Variants in FAM193A observed in about 807,000 individuals in gnomAD.
FAM193A encodes the protein protein FAM193A.
A neutral mutation model predicts 126.5 loss-of-function variants in FAM193A; 22 were observed. The observed-to-expected ratio is 0.17, with a 90% CI of 0.12 to 0.25. The LOEUF (loss-of-function observed/expected upper bound fraction) is 0.25, where lower values mean the gene tolerates loss of function less well. Among genes scored for constraint, FAM193A ranks in the 10% least tolerant of loss-of-function variants. The pLI is 1.00. For synonymous variants in FAM193A, 761 were observed against 646.8 expected (o/e 1.18, Z -2.68); for missense variants, 1,675 against 1,672.8 (o/e 1.00, Z -0.02).
At chr4:2,722,067 T>C (rs1720226879) in intron 20 of FAM193A, among the ~76,000 whole-genome samples, 1 of 152,156 alleles carries the variant, frequency 6.6e-6, no homozygotes, top group African/African-American at 2.4e-5. Context: ...CCAAGAACTA[T>C]GGTGAACTAA....
At chr4:2,656,922 T>G (rs1254449980) in intron 7 of FAM193A, among the ~76,000 whole-genome samples, 1 of 152,160 alleles carries the variant, frequency 6.6e-6, no homozygotes, top group Non-Finnish European at 1.5e-5. Context: ...ATCCCAGCAC[T>G]TTGGGAGGCC....
chr4:2,629,579 A>C (rs181023652), intron 4 of FAM193A, among the ~76,000 whole-genome samples: 96 of 152,356 alleles, frequency 6.3e-4, no homozygotes, highest in Non-Finnish European at 5.4e-4. Context: ...AGAACAGGTG[A>C]CAACTTTCTT....
intron 4 of FAM193A, among the ~76,000 whole-genome samples, chr4:2,629,608 G>T (rs1743344614): frequency 6.6e-6 from 1 of 152,124 alleles, no homozygotes; most frequent in South Asian, 2.1e-4. Flanking sequence ...ACATAATATG[G>T]TATGTAGGTG....
chr4:2,690,961 C>CTTCAGT lies in FAM193A; in HGVS notation c.2794_2795insTTCAGT (p.Pro932delinsLeuGlnSer). ...GTTCAGAGTGTCATCCAAGAGACCT[C>CTTCAGT]CTTCAGTAGGTAAGGCTTGAAGGCT... On this transcript the variant is annotated protein_altering_variant, in exon 15 of 21. Transcript: ENST00000637812. The CTTCAGT allele has an allele frequency of 6.2e-7, 1 of 1,612,294 alleles. No homozygotes were observed. Among genetic ancestry groups the CTTCAGT allele is most frequent in the Non-Finnish European group, 8.5e-7 (1 of 1,178,628 alleles).
At chr4:2,627,107 C>T (rs1357897143) in intron 4 of FAM193A, among the ~76,000 whole-genome samples, 1 of 151,492 alleles carries the variant, frequency 6.6e-6, no homozygotes, top group Non-Finnish European at 1.5e-5. Context: ...TCAGTAACCA[C>T]ACAGAATTTG....
At chr4:2,653,363 A>G (rs1447754848) in intron 7 of FAM193A, among the ~76,000 whole-genome samples, 3 of 152,208 alleles carry the variant, frequency 2.0e-5, no homozygotes, top group Non-Finnish European at 4.4e-5. Context: ...AGTAAAGTGT[A>G]TTTCTTTAAA....
At chr4:2,659,702 G>A in intron 9 of FAM193A, 32 bp downstream of exon 9, 1 of 1,610,956 alleles carries the variant, frequency 6.2e-7, no homozygotes, top group South Asian at 1.1e-5. Context: ...AGCACGACTG[G>A]CCCATTGGAC....
intron 1 of FAM193A, among the ~76,000 whole-genome samples, chr4:2,558,242 G>A (rs991704811): frequency 2.0e-5 from 3 of 150,216 alleles, no homozygotes; most frequent in African/African-American, 7.4e-5. Context: ...GTATTTCATC[G>A]TGTTTGACAG....
intron 2 of FAM193A, among the ~76,000 whole-genome samples, chr4:2,623,240 G>A (rs1465712885): frequency 6.6e-6 from 1 of 151,812 alleles, no homozygotes; most frequent in African/African-American, 2.4e-5. Flanking sequence ...GCGCGATCTC[G>A]GCTCACTGCA....
At chr4:2,619,168 G>C (rs1350757037) in intron 2 of FAM193A, among the ~76,000 whole-genome samples, 1 of 151,708 alleles carries the variant, frequency 6.6e-6, no homozygotes, top group Non-Finnish European at 1.5e-5. Context: ...TTTATTTATT[G>C]ACATCTTCAG....
intron 1 of FAM193A, among the ~76,000 whole-genome samples, chr4:2,553,376 C>CTTTTTTT (rs1414434801): frequency 1.6e-5 from 2 of 124,122 alleles, no homozygotes; most frequent in South Asian, 2.6e-4. Flanking sequence ...AATTTCCCTT[C>CTTTTTTT]TTTTTGTTTT....
At chr4:2,648,959 C>G (rs1181202399) in intron 7 of FAM193A, among the ~76,000 whole-genome samples, 1 of 152,222 alleles carries the variant, frequency 6.6e-6, no homozygotes, top group East Asian at 1.9e-4. Flanking sequence ...ACCAGAATGT[C>G]CCGGATCTGC....
chr4:2,558,422 C>A (rs1181984625), intron 1 of FAM193A, among the ~76,000 whole-genome samples: 1 of 152,208 alleles, frequency 6.6e-6, no homozygotes, highest in Non-Finnish European at 1.5e-5. Flanking sequence ...GTCCCTATTG[C>A]CCAGGCTGGA....
rs749939826 is a variant in FAM193A at position 2,700,306 on chromosome 4, C to T, written c.4134C>T (p.Val1378=). The change falls in exon 19 of 21, where the codon GTC becomes GTT. Residue 1378 remains valine (V), a synonymous_variant. Coordinates refer to ENST00000637812, the MANE Select transcript of FAM193A (RefSeq NM_001366318.2). ...AGACTGAGTCAAAGGCTAAGGTGGT[C>T]GACCTCATGTCCATCACAGAGCAGA... ...RAQTESKAKV[V]DLMSITEQKR... 2.7e-5 allele frequency: 44 copies of T among 1,613,936 alleles called. No homozygotes were observed. In the Admixed American group the frequency reaches 3.5e-4, roughly 13 times the overall value.
chr4:2,591,448 G>GA (rs1293065621), intron 1 of FAM193A, among the ~76,000 whole-genome samples: 1 of 152,144 alleles, frequency 6.6e-6, no homozygotes, highest in Non-Finnish European at 1.5e-5. Flanking sequence ...TTTGACAGGA[G>GA]ATGGAGGGCA....
At chr4:2,625,462 C>T in intron 3 of FAM193A, 67 bp downstream of exon 3, 2 of 628,624 alleles carry the variant, frequency 3.2e-6, no homozygotes, top group Non-Finnish European at 5.9e-6. Flanking sequence ...CATATTGGAG[C>T]TGGACGGAGA....
chr4:2,663,468 A>G (rs1050231287), intron 12 of FAM193A, among the ~76,000 whole-genome samples, 180 bp downstream of exon 12: 2 of 152,172 alleles, frequency 1.3e-5, no homozygotes, highest in Non-Finnish European at 2.9e-5. Flanking sequence ...CTCGAATATC[A>G]ATCTTGATTT....
At chr4:2,728,668 G>A (rs763582621) in intron 20 of FAM193A, among the ~76,000 whole-genome samples, 7 of 152,096 alleles carry the variant, frequency 4.6e-5, no homozygotes, top group Non-Finnish European at 1.0e-4. Context: ...ATGTCTGTGT[G>A]TGTTGGCTTT....
chr4:2,707,304 T>C (rs1718418822), intron 19 of FAM193A, among the ~76,000 whole-genome samples: 1 of 152,208 alleles, frequency 6.6e-6, no homozygotes, highest in South Asian at 2.1e-4. Flanking sequence ...CTCTTAAATA[T>C]TTTTCACATT....
Sources: gnomAD v4.1 joint callset for allele counts (sites outside exome capture counted in the v4.1 genomes callset) on GRCh38, gnomAD v4.1.1 for gene constraint, MANE v1.5 for transcripts, NCBI Gene and HGNC (gene_info 2026-07-23, HGNC 2026-07-21) for gene names.